Variants in FBXO45 observed in about 807,000 individuals in gnomAD.
FBXO45 encodes F-box protein 45, also known as F-box/SPRY domain-containing protein 1.
A neutral mutation model predicts 25.5 loss-of-function variants in FBXO45; 3 were observed. The ratio of observed to expected loss-of-function variants is 0.12; its 90% CI spans 0.05 to 0.30. The LOEUF (loss-of-function observed/expected upper bound fraction) is 0.30, where lower values mean the gene tolerates loss of function less well. Among genes scored for constraint, FBXO45 ranks in the 10% least tolerant of loss-of-function variants. FBXO45 has a pLI of 1.00. For synonymous variants in FBXO45, 155 were observed against 149.8 expected, an observed-to-expected ratio of 1.03 and a Z score of -0.25; for missense variants, 219 against 365.0, an observed-to-expected ratio of 0.60 and a Z score of 3.26.
At chr3:196,574,864 G>A (rs1156886381) in intron 1 of FBXO45, among the ~76,000 whole-genome samples, 3 of 152,150 alleles carry the variant, frequency 2.0e-5, no homozygotes, top group Non-Finnish European at 1.5e-5. Context: ...CTTTCAGCAA[G>A]AAGAACATCA....
Position 196,568,833 on chromosome 3 carries a change from G to A in FBXO45, c.-152G>A. Reference sequence around the variant, plus strand: ...GCGGGGCGCGCGGCGGACGCCCCCGGGCAGGGGCGGGAGTGGTGGAGGCGC... The same window carrying A: ...GCGGGGCGCGCGGCGGACGCCCCCGAGCAGGGGCGGGAGTGGTGGAGGCGC... On this transcript the variant is annotated 5_prime_UTR_variant, in exon 1 of 3. Transcript: ENST00000311630. The A allele has an allele frequency of 2.4e-6, 1 of 416,538 alleles. No homozygotes were observed. Among genetic ancestry groups the A allele is most frequent in the Non-Finnish European group, 3.2e-6 (1 of 309,806 alleles). 25.8% of individuals were successfully genotyped at this position (416,538 alleles called of 1,614,324 possible).
rs974414837 is a variant in FBXO45, at chr3:196,569,049, C to T, written c.65C>T (p.Ala22Val). ...GGCGCTGGCTGTAGCGGCGGCGGCG[C>T]GGGCGCGGGCGCGGGCTCGGGCTCT... Reference protein sequence around the residue: ...SGGAGCSGGGAGAGAGSGSGA... With the variant: ...SGGAGCSGGGVGAGAGSGSGA... Residue 22 changes from alanine to valine, a missense_variant, in exon 1 of 3, where the codon GCG (alanine) becomes GTG (valine). By Grantham distance (64) the Ala-to-Val change is moderately conservative. Transcript: ENST00000311630. This position sits in a 1 kb window ranked among gnomAD's most constrained non-coding sequence, Gnocchi z 4.1. The T allele has an allele frequency of 7.2e-6, 8 of 1,107,834 alleles. No homozygotes were observed. The Admixed American group carries it at 3.1e-4, about 43-fold the overall frequency. 68.6% of individuals were successfully genotyped at this position (1,107,834 alleles called of 1,614,324 possible).
chr3:196,581,593 T>C (rs1041115152), intron 2 of FBXO45, among the ~76,000 whole-genome samples: 2 of 152,178 alleles, frequency 1.3e-5, no homozygotes, highest in African/African-American at 2.4e-5. Context: ...ACTTATACTA[T>C]ATTTGTAAAA....
chr3:196,582,390 T>A (rs529427615), intron 2 of FBXO45, among the ~76,000 whole-genome samples: 1 of 152,186 alleles, frequency 6.6e-6, no homozygotes, highest in Admixed American at 6.5e-5. Context: ...TGGAGGTTCT[T>A]AGATCCATAA....
chr3:196,581,785 T>C (rs959782645), intron 2 of FBXO45, among the ~76,000 whole-genome samples: 4 of 152,100 alleles, frequency 2.6e-5, no homozygotes, highest in African/African-American at 9.7e-5. Flanking sequence ...TAATATGTAG[T>C]AGTAACTCCT....
rs186981648 is a variant in FBXO45 at position 196,573,372 on chromosome 3, G to A, written c.318+4070G>A. 1.5e-3 allele frequency among the ~76,000 whole-genome samples: 224 copies of A among 152,308 alleles called. 3 individuals carry two copies. The highest frequency in any genetic ancestry group is 4.9e-3 in the African/African-American group (203 of 41,570). ...ATATCATGGAGGGCTTTGAAATATA[G>A]CCTTCAGTCTATAGTTTGGGTTTTG... On this transcript the variant is annotated intron_variant, in intron 1 of 2. Transcript: ENST00000311630.
chr3:196,570,517 G>C (rs146275588), intron 1 of FBXO45, among the ~76,000 whole-genome samples: 1 of 152,104 alleles, frequency 6.6e-6, no homozygotes, highest in African/African-American at 2.4e-5. Context: ...GATTAGAGGC[G>C]TGAGCCACCG....
At chr3:196,579,820 C>G (rs1735978291) in intron 2 of FBXO45, among the ~76,000 whole-genome samples, 1 of 152,170 alleles carries the variant, frequency 6.6e-6, no homozygotes, top group Non-Finnish European at 1.5e-5. Flanking sequence ...TCTGTTACTA[C>G]TGGTGCATAT....
chr3:196,584,398 C>A lies in FBXO45; in HGVS notation c.*80C>A. The A allele has an allele frequency of 8.1e-7, 1 of 1,232,990 alleles. No individual in the cohort carries two copies. Among genetic ancestry groups the A allele is most frequent in the South Asian group, 1.6e-5 (1 of 61,490 alleles). The allele number at this position is 1,232,990 out of a possible 1,614,324, so 76.4% of individuals were successfully genotyped here. Reference sequence around the variant, plus strand: ...GTAGAACCATGAAGTGACTGTCACACATGCATGTCCAAGAAACATCCTGAA... The same window carrying A: ...GTAGAACCATGAAGTGACTGTCACAAATGCATGTCCAAGAAACATCCTGAA... On this transcript the variant is annotated 3_prime_UTR_variant, in exon 3 of 3. Coordinates refer to ENST00000311630, the MANE Select transcript of FBXO45 (RefSeq NM_001105573.2). The surrounding 1 kb of genome is among the most constrained non-coding windows in gnomAD (Gnocchi z 4.3).
chr3:196,580,659 C>A (rs1406635713), intron 2 of FBXO45, among the ~76,000 whole-genome samples: 2 of 152,202 alleles, frequency 1.3e-5, no homozygotes, highest in African/African-American at 4.8e-5. Flanking sequence ...AGTTCATTTA[C>A]CTTTAATGTA....
chr3:196,572,119 GTATT>G (rs1735835907), intron 1 of FBXO45, among the ~76,000 whole-genome samples: 1 of 152,178 alleles, frequency 6.6e-6, no homozygotes, highest in Non-Finnish European at 1.5e-5. Context: ...GAGGAGTTTA[GTATT>G]TTAGGAAGAG....
intron 2 of FBXO45, among the ~76,000 whole-genome samples, chr3:196,582,139 C>T (rs1278989650): frequency 6.6e-6 from 1 of 152,160 alleles, no homozygotes; most frequent in Non-Finnish European, 1.5e-5. Context: ...GGTAAGACTT[C>T]GCTTTCTCCA....
In FBXO45 at chr3:196,585,683, C is replaced by T. The variant is rs2108730196; in HGVS notation, c.*1365C>T. The T allele has an allele frequency of 6.6e-6, 1 of 152,244 alleles. No homozygotes were observed. Among genetic ancestry groups the T allele is most frequent in the South Asian group, 2.1e-4 (1 of 4,822 alleles). The allele number at this position is 152,244 out of a possible 1,614,324, so 9.4% of individuals were successfully genotyped here. On this transcript the variant is annotated 3_prime_UTR_variant, in exon 3 of 3. Coordinates refer to ENST00000311630, the MANE Select transcript of FBXO45 (RefSeq NM_001105573.2). ...CTAAAATGCTTTTGAATTAATAATC[C>T]AACCCACATGAGCTGAGAGTTTTTC... is the stretch of plus-strand genomic sequence containing the variant.
At position 196,586,873 on chromosome 3, in the gene FBXO45, C is replaced by T. The variant is rs1736119440; in HGVS notation, c.*2555C>T. 6.6e-6 allele frequency: 1 copy of T among 150,958 alleles called. No individual in the cohort carries two copies. Among genetic ancestry groups the T allele is most frequent in the Non-Finnish European group, 1.5e-5 (1 of 67,930 alleles). The allele number at this position is 150,958 out of a possible 1,614,324, so 9.4% of individuals were successfully genotyped here. A position where few individuals can be genotyped will look rare whatever the true frequency, so the allele number is the denominator to read the frequency against. Reference sequence around the variant, plus strand: ...GGTTGAGAACCACTGTTGTAAAATTCACCTTGAGTTTTCTCATCTGCAAAA... The same window carrying T: ...GGTTGAGAACCACTGTTGTAAAATTTACCTTGAGTTTTCTCATCTGCAAAA... On this transcript the variant is annotated 3_prime_UTR_variant, in exon 3 of 3. Coordinates refer to ENST00000311630, the MANE Select transcript of FBXO45 (RefSeq NM_001105573.2).
At chr3:196,580,317 T>G (rs930538714) in intron 2 of FBXO45, among the ~76,000 whole-genome samples, 1 of 151,954 alleles carries the variant, frequency 6.6e-6, no homozygotes, top group Non-Finnish European at 1.5e-5. Flanking sequence ...GTTCAAGCAG[T>G]TCTCCTACCT....
intron 2 of FBXO45, among the ~76,000 whole-genome samples, chr3:196,583,028 A>G (rs1365337670): frequency 1.3e-5 from 2 of 151,086 alleles, no homozygotes; most frequent in African/African-American, 4.9e-5. Context: ...TATTTCCTTC[A>G]CTCCCCACCC....
chr3:196,570,181 A>C (rs1735776002), intron 1 of FBXO45, among the ~76,000 whole-genome samples: 1 of 152,212 alleles, frequency 6.6e-6, no homozygotes, highest in Non-Finnish European at 1.5e-5. Flanking sequence ...GTCAATCAAG[A>C]TCATATATAA....
chr3:196,571,204 C>T (rs1025586598), intron 1 of FBXO45, among the ~76,000 whole-genome samples: 1 of 151,926 alleles, frequency 6.6e-6, no homozygotes, highest in African/African-American at 2.4e-5. Flanking sequence ...ATTGTTTTTA[C>T]TTATTTTAAA....
intron 1 of FBXO45, among the ~76,000 whole-genome samples, chr3:196,577,224 T>C (rs2108727402): frequency 6.6e-6 from 1 of 152,156 alleles, no homozygotes; most frequent in African/African-American, 2.4e-5. Context: ...GAGGAAATAC[T>C]ACAATTTAAA....
Sources: allele counts gnomAD v4.1 joint callset (sites outside exome capture counted in the v4.1 genomes callset), GRCh38; gene constraint gnomAD v4.1.1; non-coding constraint Gnocchi (gnomAD v3.1); transcripts MANE v1.5; gene names NCBI Gene and HGNC (gene_info 2026-07-23, HGNC 2026-07-21).